The following DDC variants were observed in gnomAD, a reference collection of about 807,000 sequenced individuals.
DDC encodes the protein aromatic-L-amino-acid decarboxylase.
Under a neutral mutation model 60.0 loss-of-function variants are expected in DDC, and 43 were observed. That is an observed-to-expected ratio of 0.72 (90% confidence interval 0.56 to 0.92). DDC has a LOEUF of 0.92. Ranked by LOEUF, DDC falls within the 40% of genes least tolerant of loss-of-function variation. The pLI is 0.00. For missense variants in DDC, 573 were observed against 620.2 expected (o/e 0.92, Z 0.81); for synonymous variants, 232 against 234.6 (o/e 0.99, Z 0.10).
At chr7:50,552,876 A>G (rs538286467) in intron 1 of DDC, among the ~76,000 whole-genome samples, 27 of 152,334 alleles carry the variant, frequency 1.8e-4, no homozygotes, top group African/African-American at 6.5e-4. Flanking sequence ...CACAGGAGAC[A>G]CTATGGCTCA....
intron 6 of DDC, among the ~76,000 whole-genome samples, chr7:50,516,326 GC>G (rs1168829571): frequency 6.6e-6 from 1 of 152,068 alleles, no homozygotes; most frequent in Non-Finnish European, 1.5e-5. Flanking sequence ...ACCTGAATGA[GC>G]ACTGGCTCAA....
intron 12 of DDC, among the ~76,000 whole-genome samples, chr7:50,469,236 A>T (rs1585139628): frequency 7.7e-6 from 1 of 129,370 alleles, no homozygotes; most frequent in Admixed American, 8.5e-5. Flanking sequence ...GAGCCACCAC[A>T]CCCAGCCAAT....
chr7:50,519,331 G>A (rs932483525), intron 6 of DDC, among the ~76,000 whole-genome samples: 1 of 152,158 alleles, frequency 6.6e-6, no homozygotes, highest in Non-Finnish European at 1.5e-5. Flanking sequence ...AAATCTGTGT[G>A]GAGATTCCTA....
chr7:50,543,923 C>T lies in DDC; in HGVS notation c.163G>A (p.Asp55Asn). 13 of 1,614,178 alleles carry T rather than the reference C, an allele frequency of 8.1e-6. No homozygotes were observed. The highest frequency in any genetic ancestry group is 1.1e-5 in the Non-Finnish European group (13 of 1,180,040). ...ATCTTCTCAACGTCGTTGATGATGT[C>T]CTCAAACGTGTCTGGCTCCTGAGGG... ...AAPQEPDTFE[D>N]IINDVEKIIM... The change falls in exon 2 of 15, where the codon GAC becomes AAC. Residue 55 changes from aspartate (D) to asparagine (N), a missense_variant. By Grantham distance (23) the Asp-to-Asn change is conservative. Transcript: ENST00000444124.
intron 10 of DDC, among the ~76,000 whole-genome samples, chr7:50,479,280 G>C (rs1230002480): frequency 6.6e-6 from 1 of 152,192 alleles, no homozygotes; most frequent in African/African-American, 2.4e-5. Flanking sequence ...GGCACAGAGA[G>C]CAGGCCTACT....
Position 50,504,132 on chromosome 7 carries a change from T to G in DDC, c.715-73A>C, listed in dbSNP as rs62445940. 1.5e-3 allele frequency: 1,593 copies of G among 1,058,816 alleles called. 4 individuals carry two copies. The highest frequency in any genetic ancestry group is 2.1e-3 in the Non-Finnish European group (1,415 of 676,228). 65.6% of individuals were successfully genotyped at this position (1,058,816 alleles called of 1,614,324 possible). A position where few individuals can be genotyped will look rare whatever the true frequency, so the allele number is the denominator to read the frequency against. On this transcript the variant is annotated intron_variant, in intron 6 of 14. Transcript: ENST00000444124. The stretch of plus-strand genomic sequence containing the variant: ...CCGCTGTAACCTCCACACAAGCAAC[T>G]GCTGCCCCATGGTCCAACCTGGGGC...
Position 50,498,485 on chromosome 7 carries a change from C to A in DDC, c.876+663G>T, listed in dbSNP as rs1369282107. Reference sequence around the variant, plus strand: ...AGACTTCCTACCCTATGAGCCACCACCAACAATGAAATCCCGCTTGAGTCT... The same window carrying A: ...AGACTTCCTACCCTATGAGCCACCAACAACAATGAAATCCCGCTTGAGTCT... On this transcript the variant is annotated intron_variant, in intron 8 of 14. Coordinates refer to ENST00000444124, the MANE Select transcript of DDC (RefSeq NM_001082971.2). 2.0e-5 allele frequency among the ~76,000 whole-genome samples: 3 copies of A among 152,194 alleles called. No homozygotes were observed. In the South Asian group the frequency reaches 6.2e-4, roughly 32 times the overall value.
chr7:50,505,999 T>C (rs753127793), intron 6 of DDC, among the ~76,000 whole-genome samples: 6 of 152,094 alleles, frequency 3.9e-5, no homozygotes, highest in Non-Finnish European at 7.4e-5. Flanking sequence ...CGAGGATCAG[T>C]TGGGCAGCAG....
intron 9 of DDC, chr7:50,492,593 AACCCCATC>A (rs1439281836): frequency 3.4e-5 from 28 of 812,612 alleles, no homozygotes; most frequent in Non-Finnish European, 4.1e-5. Flanking sequence ...GATGGGAACT[AACCCCATC>A]ACCCTTCTCT....
Position 50,508,338 on chromosome 7 carries a change from G to A in DDC, c.715-4279C>T, listed in dbSNP as rs374428958. 2.6e-5 allele frequency among the ~76,000 whole-genome samples: 4 copies of A among 152,214 alleles called. No homozygotes were observed. The East Asian group carries it at 7.7e-4, about 29-fold the overall frequency. On this transcript the variant is annotated intron_variant, in intron 6 of 14. Coordinates refer to ENST00000444124, the MANE Select transcript of DDC (RefSeq NM_001082971.2). ...CAGAGGCATAATCACATTTGTGCAG[G>A]GGGAAGGAGGGGTAGGGGACAGTTC...
At chr7:50,511,692 G>A (rs1466381902) in intron 6 of DDC, among the ~76,000 whole-genome samples, 2 of 152,126 alleles carry the variant, frequency 1.3e-5, no homozygotes, top group Non-Finnish European at 2.9e-5. Flanking sequence ...TCGCGCCACT[G>A]CACTCCAGCC....
rs531791795 is a variant in DDC, at chr7:50,469,486, C to G, written c.1140+587G>C. 3.9e-5 allele frequency among the ~76,000 whole-genome samples: 6 copies of G among 152,250 alleles called. No homozygotes were observed. In the South Asian group the frequency reaches 1.2e-3, roughly 32 times the overall value. ...GAGAAAAACACAGTCCTTATGTTCT[C>G]ATAATTGCCATTGCTCAATGAACTT... is the stretch of plus-strand genomic sequence containing the variant. On this transcript the variant is annotated intron_variant, in intron 12 of 14. Coordinates refer to ENST00000444124, the MANE Select transcript of DDC (RefSeq NM_001082971.2).
chr7:50,532,888 G>A (rs1348322015), intron 4 of DDC, among the ~76,000 whole-genome samples: 2 of 152,218 alleles, frequency 1.3e-5, no homozygotes, highest in African/African-American at 4.8e-5. Context: ...GAGCATGAAT[G>A]TTAAACATGA....
intron 1 of DDC, among the ~76,000 whole-genome samples, chr7:50,549,333 A>G (rs1306367635): frequency 6.6e-6 from 1 of 152,224 alleles, no homozygotes; most frequent in Non-Finnish European, 1.5e-5. Context: ...CCTTTTGGAA[A>G]GAATTTACTA....
rs1173633744 is a variant in DDC, at chr7:50,490,630, ACTG to A, written c.944+4717_944+4719del. Among the ~76,000 whole-genome samples the A allele has an allele frequency of 2.0e-5, 3 of 151,850 alleles. No homozygotes were observed. The East Asian group carries it at 5.8e-4, about 29-fold the overall frequency. On this transcript the variant is annotated intron_variant, in intron 9 of 14. Transcript: ENST00000444124. ...GGTTGCAGTGAGCTGAGATCATGCC[ACTG>A]AGCCGAGATCATGCCACTGCACTCC...
chr7:50,534,459 T>TG (rs1487078333), intron 4 of DDC, among the ~76,000 whole-genome samples: 3 of 152,170 alleles, frequency 2.0e-5, no homozygotes, highest in African/African-American at 7.2e-5. Context: ...TATCCAGGCA[T>TG]GGTGATGGGT....
chr7:50,561,297 T>G (rs931173664), intron 1 of DDC, among the ~76,000 whole-genome samples: 2 of 151,856 alleles, frequency 1.3e-5, no homozygotes, highest in Admixed American at 6.6e-5. Context: ...AAATGGGCCC[T>G]GTGTTCCCAG....
At chr7:50,508,414 C>G (rs2043458515) in intron 6 of DDC, among the ~76,000 whole-genome samples, 1 of 152,230 alleles carries the variant, frequency 6.6e-6, no homozygotes, top group Non-Finnish European at 1.5e-5. Flanking sequence ...CAGAGCCCAG[C>G]ACAACCTTCT....
intron 1 of DDC, among the ~76,000 whole-genome samples, chr7:50,560,579 A>G (rs1554439267): frequency 6.6e-6 from 1 of 152,096 alleles, no homozygotes; most frequent in Non-Finnish European, 1.5e-5. Context: ...CTGAATGCAA[A>G]CCTGAGTCTG....
Sources: allele counts gnomAD v4.1 joint callset (sites outside exome capture counted in the v4.1 genomes callset), GRCh38; gene constraint gnomAD v4.1.1; transcripts MANE v1.5; gene names NCBI Gene and HGNC (gene_info 2026-07-23, HGNC 2026-07-21).